FRY: variants seen among roughly 807,000 people sequenced by gnomAD.
The protein encoded by FRY is FRY microtubule binding protein, also known as protein furry homolog.
Under a neutral mutation model 348.4 loss-of-function variants are expected in FRY, and 128 were observed. That is an observed-to-expected ratio of 0.37 (90% CI 0.32 to 0.43). The LOEUF (loss-of-function observed/expected upper bound fraction) is 0.43. FRY is among the 20% of genes least tolerant of loss of function. FRY has a pLI of 1.00. For synonymous variants in FRY, 1,370 were observed against 1,374.7 expected, an observed-to-expected ratio of 1.00 and a Z score of 0.08; for missense variants, 2,736 against 3,695.2, an observed-to-expected ratio of 0.74 and a Z score of 6.73.
chr13:32,057,178 A>AT (rs904083016), intron 1 of FRY, among the ~76,000 whole-genome samples: 87 of 148,332 alleles, frequency 5.9e-4, no homozygotes, highest in Non-Finnish European at 1.1e-3. Flanking sequence ...TTTATTTTTT[A>AT]TTTTTTTTTT....
intron 51 of FRY, 118 bp from the exon 52 acceptor site, chr13:32,261,498 G>A: frequency 1.1e-6 from 1 of 900,794 alleles, no homozygotes; most frequent in Non-Finnish European, 1.9e-6. Flanking sequence ...CAAAGTCGAT[G>A]AGGGCCTAAG....
chr13:32,035,440 C>T (rs996782268), intron 1 of FRY, among the ~76,000 whole-genome samples: 9 of 152,114 alleles, frequency 5.9e-5, no homozygotes, highest in African/African-American at 2.2e-4. Context: ...TTCTTAGTGG[C>T]AGAAAGTCAC....
intron 2 of FRY, among the ~76,000 whole-genome samples, chr13:32,081,352 T>C (rs1162112119): frequency 6.6e-6 from 1 of 152,154 alleles, no homozygotes; most frequent in African/African-American, 2.4e-5. Flanking sequence ...AAAGAGACTT[T>C]TTTGCTCTAT....
At chr13:32,046,872 C>G (rs1456819956) in intron 1 of FRY, among the ~76,000 whole-genome samples, 1 of 152,132 alleles carries the variant, frequency 6.6e-6, no homozygotes, top group Non-Finnish European at 1.5e-5. Context: ...ATTATGTAGG[C>G]TCATTTGATT....
At chr13:32,243,044 G>A (rs930420555) in intron 46 of FRY, among the ~76,000 whole-genome samples, 1 of 152,098 alleles carries the variant, frequency 6.6e-6, no homozygotes, top group African/African-American at 2.4e-5. Context: ...TTTGGAAGTT[G>A]CAGGAAAGTT....
chr13:32,058,848 G>A (rs750058341), intron 1 of FRY, among the ~76,000 whole-genome samples: 4 of 152,170 alleles, frequency 2.6e-5, no homozygotes, highest in South Asian at 4.1e-4. Context: ...CTCTAAGGCT[G>A]CCATTGTTTA....
intron 23 of FRY, 117 bp downstream of exon 23, chr13:32,179,916 T>G: frequency 1.0e-6 from 1 of 968,400 alleles, no homozygotes; most frequent in Non-Finnish European, 1.7e-6. Context: ...TTATAGGCTT[T>G]GTGTGACTTC....
At chr13:32,165,646 C>CT (rs1361005735) in intron 17 of FRY, among the ~76,000 whole-genome samples, 5 of 152,222 alleles carry the variant, frequency 3.3e-5, no homozygotes, top group Admixed American at 2.0e-4. Context: ...TTTTGCTTAT[C>CT]TTGCCTAGTT....
intron 59 of FRY, among the ~76,000 whole-genome samples, chr13:32,292,614 A>G (rs910395105): frequency 7.2e-5 from 11 of 151,748 alleles, no homozygotes; most frequent in African/African-American, 2.7e-4. Flanking sequence ...CAACATGGTG[A>G]AACCCTGCCT....
intron 1 of FRY, among the ~76,000 whole-genome samples, chr13:32,051,560 A>G (rs899829323): frequency 2.0e-5 from 3 of 152,250 alleles, no homozygotes; most frequent in African/African-American, 7.2e-5. Flanking sequence ...ACAAGATGAA[A>G]TGATTCTGCT....
intron 20 of FRY, 110 bp downstream of exon 20, chr13:32,175,742 A>G (rs1593698933): frequency 2.8e-6 from 2 of 720,786 alleles, no homozygotes; most frequent in East Asian, 2.6e-5. Flanking sequence ...CAGATTAATA[A>G]ACTGACCCAA....
At chr13:32,212,535 C>G (rs2138366057) in intron 35 of FRY, among the ~76,000 whole-genome samples, 153 bp downstream of exon 35, 1 of 152,316 alleles carries the variant, frequency 6.6e-6, no homozygotes, top group Middle Eastern at 3.4e-3. Context: ...TCCAACTCTA[C>G]TCAGTATATC....
intron 2 of FRY, 152 bp from the exon 3 acceptor site, chr13:32,101,811 A>G: frequency 1.7e-6 from 1 of 602,306 alleles, no homozygotes; most frequent in Middle Eastern, 4.3e-4. Context: ...TACAATACCT[A>G]AGGGAGAATA....
At chr13:32,177,231 A>C (rs550517269) in intron 20 of FRY, among the ~76,000 whole-genome samples, 1 of 152,306 alleles carries the variant, frequency 6.6e-6, no homozygotes, top group African/African-American at 2.4e-5. Flanking sequence ...ACTAATATAG[A>C]TATTTATCTT....
intron 14 of FRY, among the ~76,000 whole-genome samples, chr13:32,150,240 T>C (rs948648875): frequency 6.6e-6 from 1 of 152,184 alleles, no homozygotes; most frequent in Non-Finnish European, 1.5e-5. Context: ...AACAATGAAA[T>C]TAAATAAATA....
intron 3 of FRY, among the ~76,000 whole-genome samples, chr13:32,105,358 G>C (rs113572742): frequency 1.3e-5 from 2 of 152,160 alleles, no homozygotes; most frequent in African/African-American, 4.8e-5. Flanking sequence ...TGAACCTGCT[G>C]GTGACTTGAT....
At chr13:32,163,235 C>G (rs1202026786) in intron 17 of FRY, among the ~76,000 whole-genome samples, 1 of 152,246 alleles carries the variant, frequency 6.6e-6, no homozygotes, top group Non-Finnish European at 1.5e-5. Flanking sequence ...AAAAGCCCCT[C>G]TCCAAGGCCT....
chr13:32,157,424 A>C lies in FRY; in HGVS notation c.1784+19A>C. Reference sequence around the variant, plus strand: ...TGATCACGTGAGTACAGTAAAGACTAAGTTATCAGTGAAAGATTAACCAGA... The same window carrying C: ...TGATCACGTGAGTACAGTAAAGACTCAGTTATCAGTGAAAGATTAACCAGA... On this transcript the variant is annotated intron_variant, in intron 16 of 60. Transcript: ENST00000542859. 2 of 1,609,262 alleles carry C rather than the reference A, an allele frequency of 1.2e-6. No individual in the cohort carries two copies. The highest frequency in any genetic ancestry group is 1.7e-6 in the Non-Finnish European group (2 of 1,175,904).
Position 32,281,551 on chromosome 13 carries a change from G to A in FRY, c.8469+3003G>A, listed in dbSNP as rs1331026496. Among the ~76,000 whole-genome samples the A allele has an allele frequency of 6.6e-5, 10 of 152,186 alleles. No individual in the cohort carries two copies. In the South Asian group the frequency reaches 1.7e-3, roughly 25 times the overall value. On this transcript the variant is annotated intron_variant, in intron 58 of 60. Coordinates refer to ENST00000542859, the MANE Select transcript of FRY (RefSeq NM_023037.3). Reference sequence around the variant, plus strand: ...TGGAAGGGCAAATTCTGAGTCTGGTGTTTCCAATGTTTTTGCAAAAACCAA... The same window carrying A: ...TGGAAGGGCAAATTCTGAGTCTGGTATTTCCAATGTTTTTGCAAAAACCAA...
Sources: gnomAD v4.1 joint callset for allele counts (sites outside exome capture counted in the v4.1 genomes callset) on GRCh38, gnomAD v4.1.1 for gene constraint, MANE v1.5 for transcripts, NCBI Gene and HGNC (gene_info 2026-07-23, HGNC 2026-07-21) for gene names.